Variants in ATE1 observed in about 807,000 individuals in gnomAD.
ATE1 encodes arginyl-tRNA--protein transferase 1.
ATE1 carries 36 observed loss-of-function variants against 70.5 expected under a neutral mutation model. The observed-to-expected ratio is 0.51, with a 90% CI of 0.39 to 0.67. ATE1 has a LOEUF of 0.67. ATE1 is among the 30% of genes least tolerant of loss of function. The pLI is 0.00. For missense variants in ATE1, 593 were observed against 629.5 expected, an observed-to-expected ratio of 0.94 and a Z score of 0.62; for synonymous variants, 232 against 219.3, an observed-to-expected ratio of 1.06 and a Z score of -0.51.
chr10:121,907,162 TA>T (rs937145761), intron 5 of ATE1, among the ~76,000 whole-genome samples: 1 of 151,838 alleles, frequency 6.6e-6, no homozygotes, highest in African/African-American at 2.4e-5. Context: ...AAGAAAAAGA[TA>T]AAAAGGTATG....
chr10:121,775,336 G>A (rs1945690383), intron 11 of ATE1, among the ~76,000 whole-genome samples: 1 of 152,010 alleles, frequency 6.6e-6, no homozygotes, highest in South Asian at 2.1e-4. Flanking sequence ...GCAAGGGGAG[G>A]GAGAGCATTA....
chr10:121,927,358 C>T, intron 1 of ATE1: 1 of 984,584 alleles, frequency 1.0e-6, no homozygotes, highest in Non-Finnish European at 1.2e-6. Flanking sequence ...TTTTTTTAAC[C>T]CAGAGATGCA....
At chr10:121,884,111 A>C (rs1950308202) in intron 7 of ATE1, among the ~76,000 whole-genome samples, 3 of 149,956 alleles carry the variant, frequency 2.0e-5, no homozygotes, top group African/African-American at 7.3e-5. Context: ...GACTCAAAAA[A>C]AAAAAAAAAA....
chr10:121,860,396 A>G (rs1244460210), intron 8 of ATE1, among the ~76,000 whole-genome samples: 1 of 152,242 alleles, frequency 6.6e-6, no homozygotes, highest in Non-Finnish European at 1.5e-5. Context: ...GCTCTAGTCA[A>G]CACAAGAGGT....
chr10:121,869,538 C>T (rs544078697), intron 8 of ATE1, among the ~76,000 whole-genome samples: 1 of 152,306 alleles, frequency 6.6e-6, no homozygotes, highest in South Asian at 2.1e-4. Context: ...TATAACAGCA[C>T]CTCAATAACT....
chr10:121,785,804 T>A (rs1212035533), intron 11 of ATE1, among the ~76,000 whole-genome samples: 2 of 152,196 alleles, frequency 1.3e-5, no homozygotes, highest in African/African-American at 2.4e-5. Context: ...AGTCTCTTTA[T>A]AGCAAATTTA....
At chr10:121,787,135 C>A (rs528424834) in intron 11 of ATE1, among the ~76,000 whole-genome samples, 31 of 152,276 alleles carry the variant, frequency 2.0e-4, no homozygotes, top group African/African-American at 7.2e-4. Context: ...TTAACACTGG[C>A]CAGTGACACA....
At chr10:121,790,973 CATAT>C (rs202197581) in intron 10 of ATE1, among the ~76,000 whole-genome samples, 1 of 121,900 alleles carries the variant, frequency 8.2e-6, no homozygotes, top group Non-Finnish European at 1.8e-5. Context: ...TGTGTGTGTA[CATAT>C]ATGTGTGTAT....
intron 8 of ATE1, among the ~76,000 whole-genome samples, chr10:121,860,691 A>G (rs917228095): frequency 6.6e-6 from 1 of 152,236 alleles, no homozygotes; most frequent in Non-Finnish European, 1.5e-5. Flanking sequence ...AAATATCAGG[A>G]CGTTGTTATT....
Position 121,821,100 on chromosome 10 carries a change from C to T in ATE1, c.1257+15618G>A, listed in dbSNP as rs189613681. On this transcript the variant is annotated intron_variant, in intron 10 of 11. Coordinates refer to ENST00000224652, the MANE Select transcript of ATE1 (RefSeq NM_001001976.3). ...GGGACTACAGGCGCCCACCACCACG[C>T]CTGGCTAATTTCTTTTTGTATCGTT... Among the ~76,000 whole-genome samples, 1,172 of 152,336 alleles carry T rather than the reference C, an allele frequency of 7.7e-3. 10 individuals are homozygous for T. Among genetic ancestry groups the T allele is most frequent in the Middle Eastern group, 0.027 (8 of 294 alleles).
At chr10:121,863,252 CTTTTT>C (rs1162295975) in intron 8 of ATE1, among the ~76,000 whole-genome samples, 12 of 127,342 alleles carry the variant, frequency 9.4e-5, no homozygotes, top group African/African-American at 3.7e-4. Context: ...CTGAAGTCTA[CTTTTT>C]TTTTTTTTTT....
At chr10:121,846,454 C>G (rs1247892032) in intron 8 of ATE1, 2 of 152,116 alleles carry the variant, frequency 1.3e-5, no homozygotes, top group African/African-American at 2.4e-5. Flanking sequence ...CAACTCCCTT[C>G]CAAAGAGTAT....
At chr10:121,854,740 C>T (rs1467314009) in intron 8 of ATE1, among the ~76,000 whole-genome samples, 1 of 152,150 alleles carries the variant, frequency 6.6e-6, no homozygotes, top group African/African-American at 2.4e-5. Flanking sequence ...CCTTCAAACA[C>T]AGAAACACCC....
At chr10:121,916,213 C>T (rs796895764) in intron 3 of ATE1, among the ~76,000 whole-genome samples, 3 of 152,004 alleles carry the variant, frequency 2.0e-5, no homozygotes, top group East Asian at 1.9e-4. Context: ...GGAAACAGAG[C>T]GAGACTCTGC....
rs1162295975 is a variant in ATE1, at chr10:121,863,252, C to CTTT, written c.975+6751_975+6753dup. 6.2e-4 allele frequency among the ~76,000 whole-genome samples: 79 copies of CTTT among 127,332 alleles called. 3 individuals are homozygous for CTTT. The highest frequency in any genetic ancestry group is 2.1e-3 in the African/African-American group (67 of 32,462). 83.5% of individuals were successfully genotyped at this position (127,332 alleles called of 152,430 possible). On this transcript the variant is annotated intron_variant, in intron 8 of 11. Coordinates refer to ENST00000224652, the MANE Select transcript of ATE1 (RefSeq NM_001001976.3). ...TCTTCCAACTTTGCCCTGAAGTCTA[C>CTTT]TTTTTTTTTTTTTTTTTTTTTGAGA...
intron 5 of ATE1, among the ~76,000 whole-genome samples, chr10:121,907,798 T>C (rs1951259826): frequency 6.6e-6 from 1 of 151,686 alleles, no homozygotes. Context: ...AATGCTGTAG[T>C]CCTGAATTTG....
chr10:121,895,213 C>T (rs781762331), intron 7 of ATE1, among the ~76,000 whole-genome samples: 27 of 152,156 alleles, frequency 1.8e-4, no homozygotes, highest in Non-Finnish European at 3.7e-4. Flanking sequence ...CCACGTGACC[C>T]AGTAATTCCA....
At chr10:121,851,486 GGTCA>G (rs1251507386) in intron 8 of ATE1, among the ~76,000 whole-genome samples, 2 of 152,142 alleles carry the variant, frequency 1.3e-5, no homozygotes, top group Non-Finnish European at 2.9e-5. Context: ...TCATACTACC[GGTCA>G]GTCTCAACTG....
chr10:121,776,396 A>T (rs1474531333), intron 11 of ATE1, among the ~76,000 whole-genome samples: 1 of 152,224 alleles, frequency 6.6e-6, no homozygotes, highest in Non-Finnish European at 1.5e-5. Flanking sequence ...GAAGAGCAAG[A>T]GGGTCATCAT....
Sources: gnomAD v4.1 joint callset for allele counts (sites outside exome capture counted in the v4.1 genomes callset) on GRCh38, gnomAD v4.1.1 for gene constraint, MANE v1.5 for transcripts, NCBI Gene and HGNC (gene_info 2026-07-23, HGNC 2026-07-21) for gene names.